The following CEMIP variants were observed in gnomAD, a reference collection of about 807,000 sequenced individuals.
CEMIP encodes the protein cell migration-inducing and hyaluronan-binding protein.
A neutral mutation model predicts 156.9 loss-of-function variants in CEMIP; 105 were observed. That is an observed-to-expected ratio of 0.67 (90% CI 0.57 to 0.79). CEMIP has a LOEUF of 0.79. CEMIP is among the 30% of genes least tolerant of loss of function. CEMIP has a pLI of 0.00. For synonymous variants in CEMIP, 676 were observed against 668.4 expected (o/e 1.01, Z -0.17); for missense variants, 1,457 against 1,769.4 (o/e 0.82, Z 3.17).
At chr15:80,847,733 C>T (rs938536682) in intron 1 of CEMIP, among the ~76,000 whole-genome samples, 1 of 152,216 alleles carries the variant, frequency 6.6e-6, no homozygotes, top group African/African-American at 2.4e-5. Context: ...CTGGGACCAT[C>T]TTCTTTCATT....
intron 12 of CEMIP, among the ~76,000 whole-genome samples, chr15:80,900,644 G>GTGTGTC (rs1899474522): frequency 1.6e-5 from 2 of 124,494 alleles, no homozygotes; most frequent in East Asian, 2.1e-4. Flanking sequence ...GTGTGTGTGT[G>GTGTGTC]TGTGTCTGTG....
At chr15:80,839,552 A>G (rs1020876730) in intron 1 of CEMIP, among the ~76,000 whole-genome samples, 4 of 152,140 alleles carry the variant, frequency 2.6e-5, no homozygotes, top group African/African-American at 9.7e-5. Flanking sequence ...TCACAGCAGA[A>G]GGGTGGGCCT....
intron 1 of CEMIP, among the ~76,000 whole-genome samples, chr15:80,804,935 C>T (rs1307547858): frequency 6.6e-6 from 1 of 152,032 alleles, no homozygotes; most frequent in South Asian, 2.1e-4. Context: ...AGAAGGTAGC[C>T]GGGCCTGAAT....
chr15:80,893,171 G>T (rs998695592), intron 10 of CEMIP, among the ~76,000 whole-genome samples: 1 of 150,914 alleles, frequency 6.6e-6, no homozygotes, highest in African/African-American at 2.4e-5. Context: ...AAGAGAGTGA[G>T]GCTCTGTCTC....
At chr15:80,890,276 T>C (rs1221638286) in intron 10 of CEMIP, among the ~76,000 whole-genome samples, 1 of 152,028 alleles carries the variant, frequency 6.6e-6, no homozygotes, top group Non-Finnish European at 1.5e-5. Context: ...AAATGCTTGA[T>C]AGAGAATTAG....
chr15:80,784,344 T>C (rs1895872415), intron 1 of CEMIP, among the ~76,000 whole-genome samples: 1 of 152,142 alleles, frequency 6.6e-6, no homozygotes, highest in Non-Finnish European at 1.5e-5. Context: ...ATTGCTGTCT[T>C]ACCTGTTTTT....
chr15:80,798,735 C>T (rs1268875764), intron 1 of CEMIP, among the ~76,000 whole-genome samples: 1 of 152,136 alleles, frequency 6.6e-6, no homozygotes, highest in Non-Finnish European at 1.5e-5. Context: ...GATCTCATTA[C>T]ATATTTGAAG....
intron 10 of CEMIP, among the ~76,000 whole-genome samples, chr15:80,890,103 G>T (rs12440572): frequency 0.095 from 14,475 of 152,182 alleles, 969 homozygotes; most frequent in East Asian, 0.21. Context: ...GTTCTCAGTT[G>T]GCTCCATCAA....
chr15:80,938,206 T>C, intron 25 of CEMIP: 2 of 519,154 alleles, frequency 3.9e-6, no homozygotes, highest in Non-Finnish European at 3.5e-6. Context: ...ATGTGAATTG[T>C]AGGGAATTTA....
At chr15:80,856,506 T>A (rs1039867357) in intron 1 of CEMIP, among the ~76,000 whole-genome samples, 4 of 152,134 alleles carry the variant, frequency 2.6e-5, no homozygotes, top group Admixed American at 1.3e-4. Context: ...CTTGGCTGTG[T>A]GTTTGAAAAT....
At chr15:80,822,585 T>C (rs1596112450) in intron 1 of CEMIP, among the ~76,000 whole-genome samples, 1 of 152,128 alleles carries the variant, frequency 6.6e-6, no homozygotes, top group African/African-American at 2.4e-5. Context: ...ACAGAAAAGA[T>C]TGTGAATAAG....
chr15:80,791,660 T>G (rs1896084574), intron 1 of CEMIP, among the ~76,000 whole-genome samples: 1 of 152,198 alleles, frequency 6.6e-6, no homozygotes, highest in African/African-American at 2.4e-5. Context: ...CCCTGTTTGC[T>G]GTATGCAGTC....
chr15:80,942,089 C>T (rs774222289), intron 26 of CEMIP, 36 bp downstream of exon 26: 4 of 1,593,598 alleles, frequency 2.5e-6, no homozygotes, highest in East Asian at 2.3e-5. Context: ...ACCCCTTTGC[C>T]GTCCAGTCGG....
chr15:80,812,633 T>C (rs910065888), intron 1 of CEMIP, among the ~76,000 whole-genome samples: 3 of 152,198 alleles, frequency 2.0e-5, no homozygotes, highest in African/African-American at 7.2e-5. Flanking sequence ...ACATTTGATA[T>C]TTTAAATTAC....
In CEMIP at chr15:80,942,019, T is replaced by C; in HGVS notation, c.3578T>C (p.Val1193Ala). The change falls in exon 26 of 30, where the codon GTG (valine) becomes GCG (alanine). Residue 1193 changes from valine to alanine, a missense_variant. Physicochemically the swap from Val to Ala is moderately conservative, Grantham distance 64. Around this residue, in one of 5 missense-constraint regions of CEMIP, gnomAD observed 798 missense variants for 980.1 expected, o/e 0.81. Transcript: ENST00000394685. ...TTCACCGAGAGGGCTGTCGTAGACG[T>C]GCCGATGCCCAAGAAGCTCTTTGGT... ...PKFTERAVVD[V>A]PMPKKLFGSQ... The C allele has an allele frequency of 6.2e-7, 1 of 1,613,584 alleles. No homozygotes were observed. The highest frequency in any genetic ancestry group is 1.1e-5 in the South Asian group (1 of 91,006).
rs1441788992 is a variant in CEMIP at position 80,929,102 on chromosome 15, C to A, written c.2540C>A (p.Thr847Lys). ...GTTGGCGAGAGTGGCAACGTGGGGA[C>A]GGAAATGATGGACAATAGGATCTGG... ...LFVGESGNVG[T>K]EMMDNRIWGP... Residue 847 changes from threonine (T) to lysine (K), a missense_variant, in exon 21 of 30, where the codon ACG becomes AAG. Transcript: ENST00000394685. 6.2e-7 allele frequency: 1 copy of A among 1,614,128 alleles called. No individual in the cohort carries two copies. Among genetic ancestry groups the A allele is most frequent in the Admixed American group, 1.7e-5 (1 of 60,014 alleles).
chr15:80,867,373 G>T (rs2141787522), intron 1 of CEMIP, among the ~76,000 whole-genome samples: 1 of 152,378 alleles, frequency 6.6e-6, no homozygotes, highest in Non-Finnish European at 1.5e-5. Context: ...GTTTCTGGAA[G>T]AGAGACCAGG....
At chr15:80,936,600 G>A in intron 23 of CEMIP, 74 bp from the exon 24 acceptor site, 1 of 1,326,742 alleles carries the variant, frequency 7.5e-7, no homozygotes, top group Non-Finnish European at 1.1e-6. Context: ...TCTATAGTCA[G>A]ATGTTAGCCA....
At chr15:80,837,421 C>T (rs1897293347) in intron 1 of CEMIP, among the ~76,000 whole-genome samples, 1 of 152,178 alleles carries the variant, frequency 6.6e-6, no homozygotes, top group African/African-American at 2.4e-5. Flanking sequence ...CAAAGAACAC[C>T]ATTCTTTATG....
Sources: allele counts gnomAD v4.1 joint callset (sites outside exome capture counted in the v4.1 genomes callset), GRCh38; gene constraint gnomAD v4.1.1; regional missense constraint gnomAD v4.1.1; transcripts MANE v1.5; gene names NCBI Gene and HGNC (gene_info 2026-07-23, HGNC 2026-07-21).